Variants in SCHIP1 observed in about 807,000 individuals in gnomAD.
SCHIP1 encodes schwannomin interacting protein 1.
SCHIP1 carries 8 observed loss-of-function variants against 29.7 expected under a neutral mutation model. That is an observed-to-expected ratio of 0.27 (90% CI 0.16 to 0.49). The LOEUF (loss-of-function observed/expected upper bound fraction) is 0.49. Among genes scored for constraint, SCHIP1 ranks in the 20% least tolerant of loss-of-function variants. The probability of loss-of-function intolerance (pLI) is 0.99; values close to 1 mark genes in which losing one functional copy is unlikely to be tolerated. For missense variants in SCHIP1, 193 were observed against 294.6 expected, an observed-to-expected ratio of 0.66 and a Z score of 2.52; for synonymous variants, 76 against 94.9, an observed-to-expected ratio of 0.80 and a Z score of 1.16.
At chr3:159,649,281 G>A in the SCHIP1 span, among the ~76,000 whole-genome samples, 1 of 152,170 alleles carries the variant, frequency 6.6e-6, no homozygotes, top group East Asian at 1.9e-4. Context: ...GTCTCCATTT[G>A]CCATTGTTCT....
the SCHIP1 span, among the ~76,000 whole-genome samples, chr3:159,553,967 C>CGTGT: frequency 0.015 from 1,722 of 115,708 alleles, 10 homozygotes; most frequent in East Asian, 0.028. Flanking sequence ...CGCCCAGCTA[C>CGTGT]GTGTGTGTGT....
At chr3:159,291,059 G>A in the SCHIP1 span, among the ~76,000 whole-genome samples, 1 of 152,052 alleles carries the variant, frequency 6.6e-6, no homozygotes, top group Non-Finnish European at 1.5e-5. Flanking sequence ...ATTCCAGTCT[G>A]TAAAAACCAG....
the SCHIP1 span, among the ~76,000 whole-genome samples, chr3:159,694,294 C>T: frequency 6.6e-6 from 1 of 151,892 alleles, no homozygotes; most frequent in Admixed American, 6.6e-5. Flanking sequence ...CCAAGGCGGG[C>T]ACATCACCTG....
At chr3:159,740,771 GA>G in the SCHIP1 span, among the ~76,000 whole-genome samples, 1,273 of 104,882 alleles carry the variant, frequency 0.012, 8 homozygotes, top group African/African-American at 0.031. Flanking sequence ...CAAAAAAAAA[GA>G]AAAAAAAAAA....
At chr3:159,695,578 G>A in the SCHIP1 span, among the ~76,000 whole-genome samples, 20 of 152,268 alleles carry the variant, frequency 1.3e-4, 1 homozygote, top group South Asian at 2.9e-3. Flanking sequence ...AAGGCACCAT[G>A]TGGCTTTTGT....
At chr3:159,439,913 C>G in the SCHIP1 span, among the ~76,000 whole-genome samples, 2 of 152,050 alleles carry the variant, frequency 1.3e-5, no homozygotes, top group Non-Finnish European at 2.9e-5. Flanking sequence ...TAACTAGATC[C>G]TGTTTGTCAA....
At chr3:159,810,931 A>G in the SCHIP1 span, among the ~76,000 whole-genome samples, 8 of 152,232 alleles carry the variant, frequency 5.3e-5, no homozygotes, top group African/African-American at 1.9e-4. Context: ...TCGGCAATGT[A>G]TGAGGCTTAC....
chr3:159,295,923 A>G, the SCHIP1 span, among the ~76,000 whole-genome samples: 1 of 151,720 alleles, frequency 6.6e-6, no homozygotes, highest in Non-Finnish European at 1.5e-5. Flanking sequence ...ATATATGTCA[A>G]TGATACGGGA....
chr3:159,686,711 A>G, the SCHIP1 span, among the ~76,000 whole-genome samples: 6 of 152,228 alleles, frequency 3.9e-5, no homozygotes, highest in African/African-American at 9.6e-5. Flanking sequence ...AATTTTTTCT[A>G]TAATTGAACT....
At chr3:159,486,062 T>A in the SCHIP1 span, among the ~76,000 whole-genome samples, 1 of 152,190 alleles carries the variant, frequency 6.6e-6, no homozygotes, top group Non-Finnish European at 1.5e-5. Context: ...TACAGTGTGA[T>A]GTTTTGGTAT....
intron 1 of SCHIP1, among the ~76,000 whole-genome samples, chr3:159,852,107 G>T (rs1255922920): frequency 6.6e-6 from 1 of 152,218 alleles, no homozygotes; most frequent in Admixed American, 6.5e-5. Flanking sequence ...TTTAAAAAAT[G>T]TGGAGAGAAA....
chr3:159,504,930 A>T, the SCHIP1 span, among the ~76,000 whole-genome samples: 1 of 152,208 alleles, frequency 6.6e-6, no homozygotes, highest in Non-Finnish European at 1.5e-5. Context: ...GGCATAACAC[A>T]TAACTTAAGG....
the SCHIP1 span, chr3:159,375,729 A>AAAATAAATAAATAAATAAATAAATAAAT: frequency 9.0e-6 from 7 of 776,952 alleles, no homozygotes; most frequent in African/African-American, 1.4e-4. Context: ...ACTCCGTCTC[A>AAAATAAATAAATAAATAAATAAATAAAT]AAATAAATAA....
At chr3:159,611,276 T>C in the SCHIP1 span, among the ~76,000 whole-genome samples, 1 of 152,068 alleles carries the variant, frequency 6.6e-6, no homozygotes, top group Non-Finnish European at 1.5e-5. Flanking sequence ...AGAGATGAGA[T>C]AGTTGAGAAG....
chr3:159,800,966 G>GTTT, the SCHIP1 span, among the ~76,000 whole-genome samples: 4 of 145,034 alleles, frequency 2.8e-5, no homozygotes, highest in Admixed American at 6.9e-5. Flanking sequence ...AACTAAGTCT[G>GTTT]TTTTTTTTTT....
the SCHIP1 span, among the ~76,000 whole-genome samples, chr3:159,691,296 G>A: frequency 4.6e-5 from 7 of 152,018 alleles, no homozygotes; most frequent in Non-Finnish European, 8.8e-5. Flanking sequence ...TTTATATTTA[G>A]GATAGTTAGC....
the SCHIP1 span, among the ~76,000 whole-genome samples, chr3:159,734,135 CTTTT>C: frequency 8.9e-5 from 9 of 100,938 alleles, no homozygotes; most frequent in Non-Finnish European, 1.5e-4. Flanking sequence ...TTATTGTTTA[CTTTT>C]TTTTTTTTTT....
At chr3:159,620,913 T>C in the SCHIP1 span, among the ~76,000 whole-genome samples, 1 of 152,224 alleles carries the variant, frequency 6.6e-6, no homozygotes. Flanking sequence ...TACCTAATCA[T>C]GGAATTAGCC....
In SCHIP1 at chr3:159,867,975, TTA is replaced by T. The variant is rs199535444; in HGVS notation, c.149+1709_149+1710del. 1.9e-3 allele frequency among the ~76,000 whole-genome samples: 280 copies of T among 146,432 alleles called. 5 individuals carry two copies. The highest frequency in any genetic ancestry group is 6.4e-3 in the African/African-American group (255 of 39,916). ...GGTTTTGATTTTGAAAATCAGTGAT[TTA>T]TATATATATATATAAATCAATGATT... On this transcript the variant is annotated intron_variant, in intron 2 of 6. Transcript: ENST00000445224.
Sources: gnomAD v4.1 joint callset for allele counts (sites outside exome capture counted in the v4.1 genomes callset) on GRCh38, gnomAD v4.1.1 for gene constraint, MANE v1.5 for transcripts, NCBI Gene and HGNC (gene_info 2026-07-23, HGNC 2026-07-21) for gene names.